The following HOOK2 variants were observed in gnomAD, a reference collection of about 807,000 sequenced individuals.
HOOK2 encodes hook microtubule tethering protein 2.
HOOK2 carries 108 observed loss-of-function variants against 111.9 expected under a neutral mutation model. The observed-to-expected ratio is 0.96, with a 90% CI of 0.83 to 1.13. HOOK2 has a LOEUF of 1.13. Among genes scored for constraint, HOOK2 ranks in the 50% most tolerant of loss-of-function variants. The probability of loss-of-function intolerance (pLI) is 0.00; values close to 1 mark genes in which losing one functional copy is unlikely to be tolerated. For synonymous variants in HOOK2, 405 were observed against 394.3 expected (o/e 1.03, Z -0.32); for missense variants, 978 against 951.3 (o/e 1.03, Z -0.37).
In HOOK2 at chr19:12,765,655, G is replaced by A. The variant is rs375786000; in HGVS notation, c.1640+35C>T. On this transcript the variant is annotated intron_variant, in intron 18 of 22. Transcript: ENST00000397668. ...AACTCCCCACTAATATCAAATCCAT[G>A]CCCCCACGAGGAGTTCCCTCTTTCT... 30 of 1,613,056 alleles carry A rather than the reference G, an allele frequency of 1.9e-5. No homozygotes were observed. In the Admixed American group the frequency reaches 2.2e-4, roughly 12 times the overall value.
intron 7 of HOOK2, 196 bp from the exon 8 acceptor site, chr19:12,771,673 A>G: frequency 1.7e-6 from 1 of 582,670 alleles, no homozygotes; most frequent in South Asian, 2.0e-5. Context: ...ACCTGAGATC[A>G]GGAGTTCCAG....
At chr19:12,774,999 G>A in intron 1 of HOOK2, 102 bp from the exon 2 acceptor site, 2 of 1,227,286 alleles carry the variant, frequency 1.6e-6, no homozygotes, top group Non-Finnish European at 2.3e-6. Context: ...ACATGGTGGG[G>A]CGGGCGCTGC....
upstream of HOOK2, among the ~76,000 whole-genome samples, chr19:12,776,541 C>T (rs1386380320): frequency 2.0e-5 from 3 of 151,538 alleles, no homozygotes; most frequent in East Asian, 3.9e-4. Flanking sequence ...ATTAGCTGGG[C>T]GTGGTGGCGC....
chr19:12,784,029 C>T (rs1404149157), intron 3 of HOOK2, among the ~76,000 whole-genome samples: 2 of 151,982 alleles, frequency 1.3e-5, no homozygotes, highest in Non-Finnish European at 2.9e-5. Flanking sequence ...TGCAGCCCCA[C>T]CCCCGCCGCC....
intron 14 of HOOK2, among the ~76,000 whole-genome samples, chr19:12,766,898 A>T (rs368020848): frequency 1.5e-4 from 22 of 151,434 alleles, no homozygotes; most frequent in African/African-American, 5.3e-4. Context: ...TCGGGTTTTT[A>T]AATCATTTTT....
chr19:12,780,564 G>A (rs1265530553), upstream of HOOK2, among the ~76,000 whole-genome samples: 1 of 145,788 alleles, frequency 6.9e-6, no homozygotes, highest in East Asian at 2.1e-4. Flanking sequence ...CACCGTGTTA[G>A]CCAGGATGGT....
upstream of HOOK2, among the ~76,000 whole-genome samples, chr19:12,776,357 T>C (rs1968509359): frequency 6.6e-6 from 1 of 150,844 alleles, no homozygotes; most frequent in Admixed American, 6.6e-5. Flanking sequence ...TTAATTTGGA[T>C]AGAAGTTGGA....
upstream of HOOK2, among the ~76,000 whole-genome samples, chr19:12,775,985 C>T (rs547881632): frequency 2.7e-5 from 4 of 145,712 alleles, no homozygotes; most frequent in Admixed American, 7.0e-5. Flanking sequence ...TCACGCCATT[C>T]TCCTGCCTCA....
intron 6 of HOOK2, 119 bp from the exon 7 acceptor site, chr19:12,772,371 C>A: frequency 8.3e-7 from 1 of 1,210,930 alleles, no homozygotes; most frequent in Non-Finnish European, 1.2e-6. Context: ...TGCCCAATAA[C>A]CCCAGCCCAG....
chr19:12,765,577 G>A, intron 18 of HOOK2, 113 bp downstream of exon 18: 3 of 1,383,804 alleles, frequency 2.2e-6, no homozygotes, highest in South Asian at 2.3e-5. Context: ...GTGAAACCCC[G>A]TCTCTACTAA....
intron 3 of HOOK2, among the ~76,000 whole-genome samples, chr19:12,789,207 G>GAGAGAC (rs879800246): frequency 0.013 from 1,802 of 135,106 alleles, 28 homozygotes; most frequent in African/African-American, 0.059. Flanking sequence ...GAGAGAGAGA[G>GAGAGAC]AGAGACAGAG....
At chr19:12,776,289 C>G (rs889956134), upstream of HOOK2, among the ~76,000 whole-genome samples, 3 of 151,990 alleles carry the variant, frequency 2.0e-5, no homozygotes, top group Non-Finnish European at 2.9e-5. Flanking sequence ...GGTTTTCCCG[C>G]CGGACGCGGT....
In HOOK2 at chr19:12,775,528, G is replaced by C; in HGVS notation, c.-79C>G. ...CCGGGTCCGCCACCAGCGAGCGCCC[G>C]CAGCCCCGACCTCCCGCTCGGCCTA... is the stretch of plus-strand genomic sequence containing the variant. On this transcript the variant is annotated 5_prime_UTR_variant, in exon 1 of 23. Coordinates refer to ENST00000397668, the MANE Select transcript of HOOK2 (RefSeq NM_013312.3). 2 of 1,499,740 alleles carry C rather than the reference G, an allele frequency of 1.3e-6. No homozygotes were observed. The highest frequency in any genetic ancestry group is 1.2e-5 in the South Asian group (1 of 81,552). The allele number at this position is 1,499,740 out of a possible 1,614,324, so 92.9% of individuals were successfully genotyped here. A position where few individuals can be genotyped will look rare whatever the true frequency, so the allele number is the denominator to read the frequency against.
rs1968188907 is a variant in HOOK2, at chr19:12,767,469, AG to A, written c.1304-6del. On this transcript the variant is annotated splice_region_variant and splice_polypyrimidine_tract_variant and intron_variant, in intron 13 of 22. Transcript: ENST00000397668. The stretch of plus-strand genomic sequence containing the variant: ...AGGTGGGATCCAGTGAGGGATCTGA[AG>A]AATGCGAGAAAAGTCTTCAGGTCTC... 1.1e-5 allele frequency: 17 copies of A among 1,613,414 alleles called. No individual in the cohort carries two copies. Among genetic ancestry groups the A allele is most frequent in the Non-Finnish European group, 1.4e-5 (17 of 1,179,364 alleles).
upstream of HOOK2, among the ~76,000 whole-genome samples, chr19:12,777,128 G>T (rs574589952): frequency 6.6e-6 from 1 of 151,594 alleles, no homozygotes; most frequent in Non-Finnish European, 1.5e-5. Flanking sequence ...CTGCACTCCA[G>T]CCTGGGCGAC....
intron 1 of HOOK2, 115 bp from the exon 2 acceptor site, chr19:12,775,012 C>T (rs1157252944): frequency 3.4e-6 from 4 of 1,167,076 alleles, no homozygotes; most frequent in East Asian, 5.1e-5. Flanking sequence ...GGCGCTGCTC[C>T]GCCACAGCAG....
upstream of HOOK2, chr19:12,775,770 G>T (rs899404220): frequency 1.9e-5 from 6 of 308,832 alleles, no homozygotes; most frequent in East Asian, 5.5e-5. Context: ...CCTCGCCCTG[G>T]CCCTTTTTGG....
In HOOK2 at chr19:12,772,816, C is replaced by T. The variant is rs1319527720; in HGVS notation, c.352G>A (p.Val118Met). 18 of 1,614,234 alleles carry T rather than the reference C, an allele frequency of 1.1e-5. No individual in the cohort carries two copies. Among genetic ancestry groups the T allele is most frequent in the Non-Finnish European group, 1.4e-5 (17 of 1,180,046 alleles). The change falls in exon 5 of 23, where the codon GTG becomes ATG. Residue 118 changes from valine to methionine, a missense_variant. This residue lies in a region of HOOK2 where 301 missense variants were observed against 286.1 expected (regional missense o/e 1.05). Coordinates refer to ENST00000397668, the MANE Select transcript of HOOK2 (RefSeq NM_013312.3). ...TCGCAACTGATGGCACAGCCCAGCA[C>T]CAGCTGAAGCAGCTTGCCGAGCTCT... ...PAELGKLLQLVLGCAISCEKK... is the reference protein window; with the variant it reads ...PAELGKLLQLMLGCAISCEKK...
In HOOK2 at chr19:12,786,480, C is replaced by A. The variant is rs541907820; in HGVS notation, n.42-12255G>T. Among the ~76,000 whole-genome samples the A allele has an allele frequency of 2.6e-5, 4 of 152,196 alleles. No individual in the cohort carries two copies. Among genetic ancestry groups the A allele is most frequent in the Admixed American group, 2.0e-4 (3 of 15,308 alleles). On this transcript the variant is annotated intron_variant and non_coding_transcript_variant, in intron 3 of 3. Transcript: ENST00000589765. This position sits in a 1 kb window ranked among gnomAD's most constrained non-coding sequence, Gnocchi z 4.3. ...TTCCTCCTTATCCTGTGCCCTAGGC[C>A]CCAGGCCCTGGGGCACTGGGGAAGC...
Sources: gnomAD v4.1 joint callset for allele counts (sites outside exome capture counted in the v4.1 genomes callset) on GRCh38, gnomAD v4.1.1 for gene constraint, gnomAD v4.1.1 regional missense constraint, Gnocchi (gnomAD v3.1) non-coding constraint, MANE v1.5 for transcripts, NCBI Gene and HGNC (gene_info 2026-07-23, HGNC 2026-07-21) for gene names.